The following DOK4 variants were observed in gnomAD, a reference collection of about 807,000 sequenced individuals.
DOK4 encodes the protein docking protein 4.
Under a neutral mutation model 40.1 loss-of-function variants are expected in DOK4, and 26 were observed. That is an observed-to-expected ratio of 0.65 (90% confidence interval 0.48 to 0.90). DOK4 has a LOEUF of 0.90. DOK4 is among the 40% of genes least tolerant of loss of function. The probability of loss-of-function intolerance (pLI) is 0.00; values close to 1 mark genes in which losing one functional copy is unlikely to be tolerated. For missense variants in DOK4, 392 were observed against 437.2 expected (o/e 0.90, Z 0.92); for synonymous variants, 179 against 177.0 (o/e 1.01, Z -0.09).
intron 5 of DOK4, 35 bp from the exon 6 acceptor site, chr16:57,475,017 G>A (rs1270316743): frequency 1.2e-6 from 2 of 1,600,682 alleles, no homozygotes; most frequent in Non-Finnish European, 1.7e-6. Flanking sequence ...TGGGACCAGA[G>A]TTGCCCCAGA....
intron 3 of DOK4, 53 bp from the exon 4 acceptor site, chr16:57,475,673 T>TCTCTCTCTCC (rs2031127119): frequency 1.3e-6 from 1 of 783,136 alleles, no homozygotes; most frequent in Non-Finnish European, 2.0e-6. Flanking sequence ...TCTCTCTCTC[T>TCTCTCTCTCC]CTCTCTCTCT....
chr16:57,476,253 C>T (rs2031179287), intron 2 of DOK4: 2 of 408,396 alleles, frequency 4.9e-6, no homozygotes, highest in East Asian at 5.0e-5. Context: ...GTGTGAGTAG[C>T]CAACGTTCCT....
At chr16:57,475,944 C>T (rs1436241503) in exon 3 of DOK4, 2 of 1,612,980 alleles carry the variant, frequency 1.2e-6, no homozygotes, top group Non-Finnish European at 1.7e-6. Flanking sequence ...CACCAGCCAG[C>T]ACCTCCGGTA....
rs1598059220 is a variant in DOK4 at position 57,485,868 on chromosome 16, G to C, written c.-182+437C>G. Reference sequence around the variant, plus strand: ...GGGGTCGGCAGTGGGGGCCAGCTGGGGTACAGAAAATCATCTCTTGGAATT... The same window carrying C: ...GGGGTCGGCAGTGGGGGCCAGCTGGCGTACAGAAAATCATCTCTTGGAATT... On this transcript the variant is annotated intron_variant, in intron 1 of 8. Transcript: ENST00000340099. The surrounding 1 kb of genome is among the most constrained non-coding windows in gnomAD (Gnocchi z 4.3). Among the ~76,000 whole-genome samples the C allele has an allele frequency of 6.6e-6, 1 of 152,168 alleles. No homozygotes were observed.
At chr16:57,475,108 T>C in exon 5 of DOK4, 2 of 1,613,708 alleles carry the variant, frequency 1.2e-6, no homozygotes, top group Non-Finnish European at 1.7e-6. Context: ...ACCTGTCTGT[T>C]CACACTGCAC....
chr16:57,480,060 A>G (rs772683392), intron 1 of DOK4: 3 of 152,326 alleles, frequency 2.0e-5, no homozygotes, highest in Non-Finnish European at 2.9e-5. Flanking sequence ...ATCAACTGTG[A>G]TAACTCTGGT....
At chr16:57,483,605 G>A (rs2031471135) in intron 1 of DOK4, among the ~76,000 whole-genome samples, 1 of 152,130 alleles carries the variant, frequency 6.6e-6, no homozygotes, top group Non-Finnish European at 1.5e-5. Context: ...ACTCCAGCCT[G>A]GGTGATAGAG....
intron 2 of DOK4, among the ~76,000 whole-genome samples, chr16:57,478,103 C>G (rs1452620667): frequency 6.6e-6 from 1 of 152,238 alleles, no homozygotes; most frequent in Admixed American, 6.5e-5. Flanking sequence ...AGAAGCGAAG[C>G]CTCTGCTTCC....
chr16:57,474,690 G>A, intron 6 of DOK4, 103 bp downstream of exon 6: 2 of 1,404,872 alleles, frequency 1.4e-6, no homozygotes, highest in Admixed American at 4.1e-5. Flanking sequence ...GGATTGCTAG[G>A]CCAATAAGTA....
intron 2 of DOK4, among the ~76,000 whole-genome samples, chr16:57,477,232 A>AGATACCACTC (rs1353118810): frequency 6.6e-6 from 1 of 152,236 alleles, no homozygotes; most frequent in Non-Finnish European, 1.5e-5. Flanking sequence ...CCCCATTTCA[A>AGATACCACTC]GATACCACTC....
chr16:57,473,283 T>G lies in DOK4; in HGVS notation c.*94A>C. On this transcript the variant is annotated 3_prime_UTR_variant, in exon 9 of 9. Transcript: ENST00000340099. ...AGCTTGCTCCCTTTCTCCAGGCTCT[T>G]GGCCGACAGCCCCCTGAGGCTGTCC... The G allele has an allele frequency of 2.0e-6, 3 of 1,485,492 alleles. No individual in the cohort carries two copies. In the South Asian group the frequency reaches 4.1e-5, roughly 20 times the overall value. 92.0% of individuals were successfully genotyped at this position (1,485,492 alleles called of 1,614,324 possible). A position where few individuals can be genotyped will look rare whatever the true frequency, so the allele number is the denominator to read the frequency against.
chr16:57,476,074 C>G, intron 2 of DOK4, 117 bp from the exon 3 acceptor site: 1 of 860,126 alleles, frequency 1.2e-6, no homozygotes, highest in South Asian at 1.5e-5. Flanking sequence ...TTCCCTGGAG[C>G]CCCAGCCTGG....
rs531274848 is a variant in DOK4, at chr16:57,473,465, G to T, written c.893C>A (p.Ser298Ter). 6.2e-7 allele frequency: 1 copy of T among 1,614,170 alleles called. No individual in the cohort carries two copies. The highest frequency in any genetic ancestry group is 2.2e-5 in the East Asian group (1 of 44,872). ...GAATCTGTTGAGGAGGTCTGTTTCC[G>T]AGCTGGCCTGGGCTGCCCCATACCC... Residue 298 changes from serine (S) to a stop codon, truncating the protein, a stop_gained, in exon 9 of 9, where the codon TCG (serine) becomes TAG (stop). Coordinates refer to ENST00000340099, the Ensembl canonical transcript of DOK4. LOFTEE classifies it high-confidence loss of function.
At chr16:57,475,338 C>T in intron 4 of DOK4, 119 bp from the exon 5 acceptor site, 1 of 1,511,922 alleles carries the variant, frequency 6.6e-7, no homozygotes, top group South Asian at 1.2e-5. Flanking sequence ...TTCTGCCTGC[C>T]TGTCTTGCCT....
intron 4 of DOK4, 110 bp downstream of exon 4, chr16:57,475,391 ACACAC>A: frequency 7.3e-7 from 1 of 1,367,566 alleles, no homozygotes; most frequent in African/African-American, 1.4e-5. Flanking sequence ...CCAACCCCAC[ACACAC>A]CACACCACCA....
In DOK4 at chr16:57,479,633, G is replaced by C; in HGVS notation, c.-126C>G. 1.1e-6 allele frequency: 1 copy of C among 940,174 alleles called. No individual in the cohort carries two copies. Among genetic ancestry groups the C allele is most frequent in the Non-Finnish European group, 1.7e-6 (1 of 600,412 alleles). 58.2% of individuals were successfully genotyped at this position (940,174 alleles called of 1,614,324 possible). On this transcript the variant is annotated 5_prime_UTR_variant, in exon 2 of 9. Coordinates refer to ENST00000340099, the Ensembl canonical transcript of DOK4. The surrounding 1 kb of genome is among the most constrained non-coding windows in gnomAD (Gnocchi z 5.8). Reference sequence around the variant, plus strand: ...TCTGTCGGGGCTGCCGCGAGGGGCTGCTCCTCACCTCACCCGCCTCAGCAT... The same window carrying C: ...TCTGTCGGGGCTGCCGCGAGGGGCTCCTCCTCACCTCACCCGCCTCAGCAT...
At chr16:57,480,357 GGCCCTGCAACTCTTCC>G (rs2031370603) in intron 1 of DOK4, 1 of 152,270 alleles carries the variant, frequency 6.6e-6, no homozygotes, top group Non-Finnish European at 1.5e-5. Context: ...CCTGTTCCCA[GGCCCTGCAACTCTTCC>G]GCACGCAGCT....
At chr16:57,473,387 G>A in exon 9 of DOK4, 4 of 1,613,494 alleles carry the variant, frequency 2.5e-6, no homozygotes, top group Non-Finnish European at 3.4e-6. Context: ...TCACTGGGAT[G>A]GGGTCTTGGC....
rs1205642250 is a variant in DOK4, at chr16:57,485,905, A to G, written c.-182+400T>C. Among the ~76,000 whole-genome samples, 2 of 152,092 alleles carry G rather than the reference A, an allele frequency of 1.3e-5. No homozygotes were observed. The highest frequency in any genetic ancestry group is 2.9e-5 in the Non-Finnish European group (2 of 68,014). ...CATCTCTTGGAATTTGGAGGAGGTG[A>G]GCGAACAGGAGGCCCCGGGGAGGAG... On this transcript the variant is annotated intron_variant, in intron 1 of 8. Coordinates refer to ENST00000340099, the Ensembl canonical transcript of DOK4. This position sits in a 1 kb window ranked among gnomAD's most constrained non-coding sequence, Gnocchi z 4.3.
Sources: allele counts gnomAD v4.1 joint callset (sites outside exome capture counted in the v4.1 genomes callset), GRCh38; gene constraint gnomAD v4.1.1; non-coding constraint Gnocchi (gnomAD v3.1); transcripts MANE v1.5; gene names NCBI Gene and HGNC (gene_info 2026-07-23, HGNC 2026-07-21).